Variants in CACNA2D3 observed in about 807,000 individuals in gnomAD.
CACNA2D3 encodes calcium voltage-gated channel auxiliary subunit alpha2delta 3.
In CACNA2D3, 60 loss-of-function variants were observed where a neutral mutation model predicts 160.6. The observed-to-expected ratio is 0.37, with a 90% CI of 0.30 to 0.46. The LOEUF is 0.46. Among genes scored for constraint, CACNA2D3 ranks in the 20% least tolerant of loss-of-function variants. The pLI, the probability that CACNA2D3 is intolerant of heterozygous loss-of-function variation, is 1.00. For missense variants in CACNA2D3, 1,205 were observed against 1,365.0 expected (o/e 0.88, Z 1.85); for synonymous variants, 558 against 492.9 (o/e 1.13, Z -1.75).
chr3:54,715,012 A>G (rs577628703), intron 11 of CACNA2D3, among the ~76,000 whole-genome samples: 1 of 152,326 alleles, frequency 6.6e-6, no homozygotes, highest in African/African-American at 2.4e-5. Flanking sequence ...ATACGATACC[A>G]GCTGGGTTTC....
chr3:54,134,913 G>A (rs1043542052), intron 2 of CACNA2D3, among the ~76,000 whole-genome samples: 4 of 152,272 alleles, frequency 2.6e-5, no homozygotes, highest in East Asian at 1.9e-4. Flanking sequence ...GCAGTGCAGG[G>A]CGGGTGCACG....
chr3:54,142,268 T>G (rs900791623), intron 2 of CACNA2D3, among the ~76,000 whole-genome samples: 1 of 152,206 alleles, frequency 6.6e-6, no homozygotes, highest in African/African-American at 2.4e-5. Context: ...TTCTCTTGTT[T>G]CTACTGCCCC....
chr3:54,468,574 C>G (rs777594061), intron 4 of CACNA2D3, among the ~76,000 whole-genome samples: 2 of 152,190 alleles, frequency 1.3e-5, no homozygotes, highest in African/African-American at 2.4e-5. Context: ...GCCAGCAAGA[C>G]AGAACCGTTT....
chr3:54,368,064 T>C (rs1390912109), intron 3 of CACNA2D3, among the ~76,000 whole-genome samples: 1 of 152,206 alleles, frequency 6.6e-6, no homozygotes, highest in African/African-American at 2.4e-5. Flanking sequence ...TAATGAAGTA[T>C]TGGTAAATGA....
intron 14 of CACNA2D3, among the ~76,000 whole-genome samples, chr3:54,836,738 G>T (rs1415882652): frequency 6.6e-6 from 1 of 152,134 alleles, no homozygotes; most frequent in African/African-American, 2.4e-5. Context: ...TTTAGCAGGG[G>T]CAACTCACCA....
At chr3:54,416,220 A>C (rs1409538459) in intron 4 of CACNA2D3, among the ~76,000 whole-genome samples, 1 of 152,216 alleles carries the variant, frequency 6.6e-6, no homozygotes, top group Non-Finnish European at 1.5e-5. Flanking sequence ...CTTAGAATAA[A>C]ATATTAACTC....
At chr3:54,278,210 A>G (rs1575362567) in intron 2 of CACNA2D3, among the ~76,000 whole-genome samples, 1 of 152,254 alleles carries the variant, frequency 6.6e-6, no homozygotes, top group African/African-American at 2.4e-5. Context: ...AAAAGAAGAC[A>G]TTTATGCAGC....
chr3:54,849,388 C>T lies in CACNA2D3; in HGVS notation c.1626+2921C>T, dbSNP rs377364758. Among the ~76,000 whole-genome samples, 27 of 152,318 alleles carry T rather than the reference C, an allele frequency of 1.8e-4. 1 individual carries two copies. Among genetic ancestry groups the T allele is most frequent in the African/African-American group, 4.8e-4 (20 of 41,570 alleles). ...ACTTATCCCTGCTTTCCCCCTCCTC[C>T]TTCCTTAACCACCAGTCCCCTCAGC... On this transcript the variant is annotated intron_variant, in intron 17 of 37. Coordinates refer to ENST00000474759, the MANE Select transcript of CACNA2D3 (RefSeq NM_018398.3).
intron 19 of CACNA2D3, 54 bp from the exon 20 acceptor site, chr3:54,879,296 G>A (rs1699737027): frequency 1.5e-6 from 2 of 1,355,956 alleles, no homozygotes; most frequent in South Asian, 2.5e-5. Context: ...ACGTCACTTA[G>A]CAGACTAACC....
chr3:54,611,266 G>A (rs537587437), intron 9 of CACNA2D3, among the ~76,000 whole-genome samples: 1 of 152,306 alleles, frequency 6.6e-6, no homozygotes, highest in African/African-American at 2.4e-5. Context: ...GTTTAGCTGT[G>A]TTTTTGAGTC....
chr3:54,881,274 A>G (rs1699789830), intron 21 of CACNA2D3, among the ~76,000 whole-genome samples: 1 of 152,162 alleles, frequency 6.6e-6, no homozygotes, highest in Admixed American at 6.5e-5. Flanking sequence ...AGGGGAAACC[A>G]TGAAAACAGA....
At chr3:54,472,396 T>C (rs1295776943) in intron 4 of CACNA2D3, among the ~76,000 whole-genome samples, 3 of 152,178 alleles carry the variant, frequency 2.0e-5, no homozygotes, top group Non-Finnish European at 4.4e-5. Flanking sequence ...GGAATGTATC[T>C]CAAAGTAATA....
intron 10 of CACNA2D3, chr3:54,638,520 G>T (rs1575399015): frequency 6.6e-6 from 1 of 151,912 alleles, no homozygotes; most frequent in African/African-American, 2.4e-5. Flanking sequence ...ACCTAGCTCG[G>T]CCTGGCAAGG....
At chr3:54,314,680 A>G (rs901118223) in intron 2 of CACNA2D3, among the ~76,000 whole-genome samples, 12 of 152,136 alleles carry the variant, frequency 7.9e-5, no homozygotes, top group Non-Finnish European at 5.9e-5. Flanking sequence ...ATTTTTTCAT[A>G]TGTTTCTTGG....
chr3:54,608,994 G>A (rs1416896913), intron 9 of CACNA2D3, among the ~76,000 whole-genome samples: 3 of 152,146 alleles, frequency 2.0e-5, no homozygotes, highest in African/African-American at 7.2e-5. Flanking sequence ...TATGCCTCCT[G>A]ACTGAGCAAT....
chr3:54,986,413 T>C (rs777780978), intron 30 of CACNA2D3, among the ~76,000 whole-genome samples: 4 of 152,182 alleles, frequency 2.6e-5, no homozygotes, highest in Non-Finnish European at 5.9e-5. Flanking sequence ...TCATTGAAAC[T>C]GGCACATTAC....
intron 2 of CACNA2D3, among the ~76,000 whole-genome samples, chr3:54,180,100 C>CTTTTTTTTTTTTTTTTTTTTTCTT (rs5849033): frequency 7.8e-6 from 1 of 127,816 alleles, no homozygotes; most frequent in Non-Finnish European, 1.6e-5. Flanking sequence ...TGTCTTTTGC[C>CTTTTTTTTTTTTTTTTTTTTTCTT]TTTTTTTTTT....
intron 3 of CACNA2D3, among the ~76,000 whole-genome samples, chr3:54,350,992 T>TTTTTTTTTTTTTTTTTG (rs1559457861): frequency 6.3e-5 from 7 of 110,978 alleles, no homozygotes; most frequent in East Asian, 2.5e-4. Context: ...GTTTGTTTTT[T>TTTTTTTTTTTTTTTTTG]TTTTTTTTTT....
intron 2 of CACNA2D3, among the ~76,000 whole-genome samples, chr3:54,265,646 G>T (rs556628064): frequency 4.8e-5 from 7 of 146,848 alleles, no homozygotes; most frequent in African/African-American, 1.8e-4. Context: ...TATATAGTGT[G>T]TATATATATA....
Sources: allele counts gnomAD v4.1 joint callset (sites outside exome capture counted in the v4.1 genomes callset), GRCh38; gene constraint gnomAD v4.1.1; transcripts MANE v1.5; gene names NCBI Gene and HGNC (gene_info 2026-07-23, HGNC 2026-07-21).